The following NPSR1 variants were observed in gnomAD, a reference collection of about 807,000 sequenced individuals.
NPSR1 encodes neuropeptide S receptor 1.
A neutral mutation model predicts 46.9 loss-of-function variants in NPSR1; 48 were observed. That is an observed-to-expected ratio of 1.02 (90% CI 0.81 to 1.30). The LOEUF (loss-of-function observed/expected upper bound fraction) is 1.30, where lower values mean the gene tolerates loss of function less well. NPSR1 is among the 50% of genes most tolerant of loss of function. The pLI is 0.00. For missense variants in NPSR1, 450 were observed against 449.5 expected (o/e 1.00, Z -0.01); for synonymous variants, 176 against 168.1 (o/e 1.05, Z -0.36).
chr7:34,845,144 C>G (rs1391134359), intron 7 of NPSR1, among the ~76,000 whole-genome samples, 162 bp downstream of exon 7: 1 of 152,172 alleles, frequency 6.6e-6, no homozygotes, highest in Non-Finnish European at 1.5e-5. Context: ...ATGGTTCCTT[C>G]AAGGGCTGAC....
At chr7:34,822,906 A>G (rs946525728) in intron 4 of NPSR1, among the ~76,000 whole-genome samples, 1 of 152,220 alleles carries the variant, frequency 6.6e-6, no homozygotes, top group Non-Finnish European at 1.5e-5. Flanking sequence ...TTACTACATA[A>G]AAATTTAAAT....
At chr7:34,694,584 C>G (rs1386829715) in intron 2 of NPSR1, among the ~76,000 whole-genome samples, 1 of 152,288 alleles carries the variant, frequency 6.6e-6, no homozygotes, top group Admixed American at 6.5e-5. Context: ...TTAAAATGAC[C>G]ATACTTCCCA....
At chr7:34,675,150 T>C (rs1792254099) in intron 1 of NPSR1, among the ~76,000 whole-genome samples, 1 of 152,194 alleles carries the variant, frequency 6.6e-6, no homozygotes, top group African/African-American at 2.4e-5. Flanking sequence ...AACTCGTTGG[T>C]CAGGTTGTTA....
chr7:34,809,318 GT>G (rs1788867073), intron 3 of NPSR1, among the ~76,000 whole-genome samples: 1 of 151,288 alleles, frequency 6.6e-6, no homozygotes. Context: ...TTTTCTTTTA[GT>G]TTTCAGAGGA....
intron 5 of NPSR1, 47 bp downstream of exon 5, chr7:34,827,649 G>T (rs1452940033): frequency 5.6e-6 from 4 of 718,302 alleles, no homozygotes; most frequent in South Asian, 1.4e-5. Flanking sequence ...GGGGCGGGGG[G>T]GGCTTTCCTG....
rs373747279 is a variant in NPSR1 at position 34,790,703 on chromosome 7, C to A, written c.384+12138C>A. On this transcript the variant is annotated intron_variant, in intron 3 of 8. Coordinates refer to ENST00000360581, the MANE Select transcript of NPSR1 (RefSeq NM_207172.2). ...TTCTATGTTATATATAATATATGTT[C>A]TATGTTATATATAATATATGTTATA... Among the ~76,000 whole-genome samples, 55 of 89,356 alleles carry A rather than the reference C, an allele frequency of 6.2e-4. 1 individual carries two copies. The highest frequency in any genetic ancestry group is 3.0e-3 in the Admixed American group (25 of 8,390). 58.6% of individuals were successfully genotyped at this position (89,356 alleles called of 152,430 possible). A position where few individuals can be genotyped will look rare whatever the true frequency, so the allele number is the denominator to read the frequency against.
At chr7:34,794,646 T>C (rs143524354) in intron 3 of NPSR1, among the ~76,000 whole-genome samples, 110 of 152,218 alleles carry the variant, frequency 7.2e-4, no homozygotes, top group African/African-American at 2.4e-3. Flanking sequence ...TACAGTTGCA[T>C]TGAAAATATA....
intron 2 of NPSR1, among the ~76,000 whole-genome samples, chr7:34,708,954 A>G (rs1446214559): frequency 6.6e-6 from 1 of 152,062 alleles, no homozygotes; most frequent in African/African-American, 2.4e-5. Flanking sequence ...ATTTTCTAGG[A>G]GAGGATAATG....
At chr7:34,784,612 C>G (rs1395716874) in intron 3 of NPSR1, among the ~76,000 whole-genome samples, 3 of 151,970 alleles carry the variant, frequency 2.0e-5, no homozygotes, top group Non-Finnish European at 4.4e-5. Context: ...ATTTTTCCAT[C>G]AATGTTCATC....
At chr7:34,783,145 T>A (rs377434759) in intron 3 of NPSR1, among the ~76,000 whole-genome samples, 1 of 152,032 alleles carries the variant, frequency 6.6e-6, no homozygotes, top group East Asian at 1.9e-4. Context: ...TGAGGCAGCA[T>A]CAAAAGAGAA....
chr7:34,746,573 T>C (rs1186234962), intron 2 of NPSR1, among the ~76,000 whole-genome samples: 3 of 152,202 alleles, frequency 2.0e-5, no homozygotes, highest in African/African-American at 7.2e-5. Context: ...ATATTTTTGC[T>C]TCTTAACCAA....
intron 4 of NPSR1, among the ~76,000 whole-genome samples, chr7:34,823,352 A>G (rs995305350): frequency 6.9e-6 from 1 of 144,772 alleles, no homozygotes; most frequent in East Asian, 2.1e-4. Flanking sequence ...AGATGGCACC[A>G]CTGCACTCTA....
intron 1 of NPSR1, among the ~76,000 whole-genome samples, chr7:34,673,305 T>A (rs897553774): frequency 2.0e-5 from 3 of 152,172 alleles, no homozygotes; most frequent in African/African-American, 7.2e-5. Flanking sequence ...TGAACTTTGA[T>A]ACTAGATTCT....
At chr7:34,793,814 C>A (rs911472645) in intron 3 of NPSR1, among the ~76,000 whole-genome samples, 11 of 152,072 alleles carry the variant, frequency 7.2e-5, no homozygotes, top group Non-Finnish European at 1.3e-4. Context: ...GATATGGCAA[C>A]AATCTATGTC....
At chr7:34,725,608 G>C (rs1190885425) in intron 2 of NPSR1, among the ~76,000 whole-genome samples, 1 of 152,208 alleles carries the variant, frequency 6.6e-6, no homozygotes, top group African/African-American at 2.4e-5. Flanking sequence ...GAGGTCCCCA[G>C]AATGTGGGCA....
chr7:34,738,567 C>CT (rs888214623), intron 2 of NPSR1, among the ~76,000 whole-genome samples: 78 of 151,752 alleles, frequency 5.1e-4, no homozygotes, highest in African/African-American at 1.7e-3. Context: ...TTTTTGGCTT[C>CT]TTTTTTTTCT....
At chr7:34,743,766 T>C (rs73325832) in intron 2 of NPSR1, among the ~76,000 whole-genome samples, 11,879 of 152,228 alleles carry the variant, frequency 0.078, 1,339 homozygotes, top group African/African-American at 0.25. Flanking sequence ...GATTTCTTTT[T>C]GGGCAACTGT....
intron 2 of NPSR1, among the ~76,000 whole-genome samples, chr7:34,759,581 C>T (rs997335943): frequency 6.6e-6 from 1 of 152,142 alleles, no homozygotes; most frequent in African/African-American, 2.4e-5. Context: ...TTCCCAGCCC[C>T]AGGCCAGGAA....
intron 2 of NPSR1, among the ~76,000 whole-genome samples, chr7:34,694,353 C>T (rs1793410172): frequency 6.6e-6 from 1 of 152,150 alleles, no homozygotes; most frequent in African/African-American, 2.4e-5. Flanking sequence ...CATGTCTATA[C>T]ACCAGTAGTC....
Sources: allele counts gnomAD v4.1 joint callset (sites outside exome capture counted in the v4.1 genomes callset), GRCh38; gene constraint gnomAD v4.1.1; transcripts MANE v1.5; gene names NCBI Gene and HGNC (gene_info 2026-07-23, HGNC 2026-07-21).